The following TACC2 variants were observed in gnomAD, a reference collection of about 807,000 sequenced individuals.
The protein encoded by TACC2 is transforming acidic coiled-coil-containing protein 2.
A neutral mutation model predicts 227.3 loss-of-function variants in TACC2; 137 were observed. The ratio of observed to expected loss-of-function variants is 0.60; its 90% CI spans 0.52 to 0.69. TACC2 has a LOEUF of 0.69. Among genes scored for constraint, TACC2 ranks in the 30% least tolerant of loss-of-function variants. The pLI, the probability that TACC2 is intolerant of heterozygous loss-of-function variation, is 0.00. For synonymous variants in TACC2, 1,523 were observed against 1,487.5 expected (o/e 1.02, Z -0.55); for missense variants, 3,470 against 3,694.4 (o/e 0.94, Z 1.57).
At chr10:122,039,356 A>T (rs1289917351) in intron 2 of TACC2, among the ~76,000 whole-genome samples, 1 of 152,162 alleles carries the variant, frequency 6.6e-6, no homozygotes, top group Non-Finnish European at 1.5e-5. Flanking sequence ...GGAACCTGGT[A>T]GGTTCTCAGA....
At chr10:122,032,434 G>A (rs943217433) in intron 2 of TACC2, among the ~76,000 whole-genome samples, 2 of 152,150 alleles carry the variant, frequency 1.3e-5, no homozygotes, top group African/African-American at 2.4e-5. Flanking sequence ...GCTAGGGAAC[G>A]TTTGGAAGGA....
intron 3 of TACC2, among the ~76,000 whole-genome samples, chr10:122,080,812 C>T (rs1039976235): frequency 1.3e-5 from 2 of 152,176 alleles, no homozygotes; most frequent in African/African-American, 4.8e-5. Context: ...TGGTAGCGGA[C>T]ATTGAGAGGA....
At chr10:122,227,751 A>C in intron 13 of TACC2, 86 bp from the exon 14 acceptor site, 1 of 1,412,916 alleles carries the variant, frequency 7.1e-7, no homozygotes, top group Non-Finnish European at 9.7e-7. Context: ...ATTCCTTGTG[A>C]TATTGACTTG....
intron 2 of TACC2, among the ~76,000 whole-genome samples, chr10:122,024,702 A>G (rs1188365711): frequency 6.6e-6 from 1 of 152,128 alleles, no homozygotes; most frequent in African/African-American, 2.4e-5. Context: ...CTCAGCATAA[A>G]TCTCTTGAGA....
chr10:122,111,926 A>C (rs1306909538), intron 5 of TACC2, among the ~76,000 whole-genome samples: 1 of 140,640 alleles, frequency 7.1e-6, no homozygotes, highest in Non-Finnish European at 1.6e-5. Flanking sequence ...CATGTGAACA[A>C]GGAATCTATT....
chr10:122,250,198 C>G (rs1450044268), intron 22 of TACC2, among the ~76,000 whole-genome samples: 1 of 152,230 alleles, frequency 6.6e-6, no homozygotes, highest in African/African-American at 2.4e-5. Flanking sequence ...AGCACTGTCT[C>G]CCTGGGTGTC....
chr10:122,176,115 CTCTATATATATA>C (rs1171423618), intron 7 of TACC2, among the ~76,000 whole-genome samples: 111 of 47,176 alleles, frequency 2.4e-3, no homozygotes, highest in African/African-American at 8.9e-3. Flanking sequence ...CTCTCTCTCT[CTCTATATATATA>C]TATATATATA....
intron 8 of TACC2, among the ~76,000 whole-genome samples, chr10:122,204,810 G>C (rs578182628): frequency 6.6e-6 from 1 of 150,550 alleles, no homozygotes; most frequent in South Asian, 2.1e-4. Flanking sequence ...GGGTGACAGA[G>C]TGAGACCCTG....
At chr10:122,058,986 G>A (rs1267713370) in intron 3 of TACC2, among the ~76,000 whole-genome samples, 2 of 150,828 alleles carry the variant, frequency 1.3e-5, no homozygotes, top group East Asian at 2.0e-4. Flanking sequence ...TCCACCTCCC[G>A]GGTTCAAGCC....
intron 3 of TACC2, among the ~76,000 whole-genome samples, chr10:122,075,182 T>G: frequency 2.2e-5 from 1 of 46,212 alleles, no homozygotes; most frequent in South Asian, 1.4e-3. Context: ...CAATAAATCT[T>G]GCTGCCAAAA....
rs754283055 is a variant in TACC2, at chr10:122,229,471, C to T, written c.8022C>T (p.Phe2674=). Residue 2674 remains phenylalanine, a synonymous_variant, in exon 15 of 23, where the codon TTC becomes TTT. Transcript: ENST00000369005. Reference sequence around the variant, plus strand: ...TAGCAGAAAAGAACCCCCCACTATTCGCTCAGAAACTCCAGGTTTGTAGCC... The same window carrying T: ...TAGCAGAAAAGAACCCCCCACTATTTGCTCAGAAACTCCAGGTTTGTAGCC... The part of the protein sequence containing the change: ...PDLAEKNPPL[F]AQKLQEELEF... 23 of 1,613,930 alleles carry T rather than the reference C, an allele frequency of 1.4e-5. No homozygotes were observed. Among genetic ancestry groups the T allele is most frequent in the East Asian group, 6.7e-5 (3 of 44,874 alleles).
At chr10:122,055,809 T>G (rs1447926712) in intron 3 of TACC2, among the ~76,000 whole-genome samples, 1 of 152,172 alleles carries the variant, frequency 6.6e-6, no homozygotes, top group Non-Finnish European at 1.5e-5. Flanking sequence ...TGAAGATGGG[T>G]CATTCTGGAC....
chr10:122,233,192 T>C (rs940974433), intron 16 of TACC2, among the ~76,000 whole-genome samples: 26 of 152,124 alleles, frequency 1.7e-4, no homozygotes, highest in Admixed American at 3.3e-4. Context: ...TCCACATCCT[T>C]CTGGTCAAAC....
At position 122,084,607 on chromosome 10, in the gene TACC2, A is replaced by G. The variant is rs764117878; in HGVS notation, c.2107A>G (p.Ser703Gly). ...LQPKCPDTLQ[S>G]REGLGRMESF... is the part of the protein sequence containing the mutation. ...GCCCAAATGTCCTGACACCCTTCAG[A>G]GCAGGGAAGGATTGGGAAGAATGGA... The change falls in exon 4 of 23, where the codon AGC becomes GGC. Residue 703 changes from serine (S) to glycine (G), a missense_variant. Coordinates refer to ENST00000369005, the MANE Select transcript of TACC2 (RefSeq NM_206862.4). 1.2e-6 allele frequency: 2 copies of G among 1,613,752 alleles called. No homozygotes were observed. The highest frequency in any genetic ancestry group is 1.7e-5 in the Admixed American group (1 of 60,016).
intron 7 of TACC2, among the ~76,000 whole-genome samples, chr10:122,171,784 C>T (rs988332629): frequency 6.6e-6 from 1 of 152,206 alleles, no homozygotes; most frequent in Non-Finnish European, 1.5e-5. Flanking sequence ...AATTCTTTGT[C>T]CCATGAGGAA....
At chr10:122,100,880 G>A (rs993977515) in intron 5 of TACC2, among the ~76,000 whole-genome samples, 1 of 152,178 alleles carries the variant, frequency 6.6e-6, no homozygotes, top group Non-Finnish European at 1.5e-5. Flanking sequence ...GTCTCTGGGT[G>A]ACCCCTCTGC....
At chr10:122,225,761 A>G (rs562099457) in intron 12 of TACC2, among the ~76,000 whole-genome samples, 11 of 152,208 alleles carry the variant, frequency 7.2e-5, no homozygotes, top group Non-Finnish European at 1.3e-4. Context: ...CGTGAGGAGC[A>G]TGCCCTGCTC....
At position 122,210,629 on chromosome 10, in the gene TACC2, A is replaced by G. The variant is rs2141017958; in HGVS notation, c.6204A>G (p.Thr2068=). ...DAKNQEGKVN[T]RRKSTDSVPI... ...AGAATCAGGAGGGCAAAGTGAACAC[A>G]CGGAGGAAGTCCACGGATTCCGTCC... Residue 2068 remains threonine (T), a synonymous_variant, in exon 9 of 23, where the codon ACA becomes ACG. Transcript: ENST00000369005. This position sits in a 1 kb window ranked among gnomAD's most constrained non-coding sequence, Gnocchi z 4.6. The G allele has an allele frequency of 6.2e-7, 1 of 1,614,062 alleles. No homozygotes were observed. Among genetic ancestry groups the G allele is most frequent in the South Asian group, 1.1e-5 (1 of 91,066 alleles).
intron 3 of TACC2, among the ~76,000 whole-genome samples, chr10:122,062,505 G>C (rs1469029762): frequency 6.6e-6 from 1 of 151,062 alleles, no homozygotes; most frequent in African/African-American, 2.4e-5. Flanking sequence ...GTAGAGACAG[G>C]GTTTCTCCAT....
Sources: allele counts gnomAD v4.1 joint callset (sites outside exome capture counted in the v4.1 genomes callset), GRCh38; gene constraint gnomAD v4.1.1; non-coding constraint Gnocchi (gnomAD v3.1); transcripts MANE v1.5; gene names NCBI Gene and HGNC (gene_info 2026-07-23, HGNC 2026-07-21).